Variants in RYR3 observed in about 807,000 individuals in gnomAD.
RYR3 encodes the protein brain ryanodine receptor-calcium release channel.
A neutral mutation model predicts 584.3 loss-of-function variants in RYR3; 207 were observed. The observed-to-expected ratio is 0.35, with a 90% CI of 0.32 to 0.40. RYR3 has a LOEUF of 0.40. Ranked by LOEUF, RYR3 falls within the 10% of genes least tolerant of loss-of-function variation. The pLI is 1.00. For missense variants in RYR3, 5,616 were observed against 6,089.2 expected, an observed-to-expected ratio of 0.92 and a Z score of 2.59; for synonymous variants, 2,416 against 2,248.5, an observed-to-expected ratio of 1.07 and a Z score of -2.11.
At chr15:33,392,289 T>G (rs536482084) in intron 1 of RYR3, among the ~76,000 whole-genome samples, 7 of 151,624 alleles carry the variant, frequency 4.6e-5, no homozygotes, top group Admixed American at 4.6e-4. Flanking sequence ...GGGTGAACCT[T>G]TCCAAATAAA....
chr15:33,341,436 G>C (rs1222335120), intron 1 of RYR3, among the ~76,000 whole-genome samples: 1 of 152,146 alleles, frequency 6.6e-6, no homozygotes, highest in African/African-American at 2.4e-5. Context: ...GGAATAGAAT[G>C]ATCTACATAG....
At chr15:33,385,303 C>A (rs1342823680) in intron 1 of RYR3, among the ~76,000 whole-genome samples, 1 of 151,928 alleles carries the variant, frequency 6.6e-6, no homozygotes, top group Non-Finnish European at 1.5e-5. Context: ...TTTTTTTTCC[C>A]CTTGTAGAAG....
intron 1 of RYR3, among the ~76,000 whole-genome samples, chr15:33,359,225 T>A (rs1214420242): frequency 6.6e-6 from 1 of 152,204 alleles, no homozygotes; most frequent in Non-Finnish European, 1.5e-5. Context: ...ATCAAAGCAT[T>A]TTTCTTCTCT....
At chr15:33,687,071 A>G (rs28890566) in intron 38 of RYR3, among the ~76,000 whole-genome samples, 24,466 of 152,230 alleles carry the variant, frequency 0.16, 2,397 homozygotes, top group Admixed American at 0.31. Flanking sequence ...GGCCAGGCCA[A>G]TCAGGCAAGA....
intron 1 of RYR3, among the ~76,000 whole-genome samples, chr15:33,313,526 A>G (rs953341448): frequency 9.8e-5 from 15 of 152,314 alleles, no homozygotes; most frequent in African/African-American, 3.6e-4. Flanking sequence ...AGTTGGGAAC[A>G]CCAGGCTTGT....
chr15:33,358,380 C>G (rs1326420699), intron 1 of RYR3, among the ~76,000 whole-genome samples: 2 of 152,214 alleles, frequency 1.3e-5, no homozygotes, highest in Non-Finnish European at 2.9e-5. Flanking sequence ...GACAAATTCT[C>G]TCAGCCTCTG....
rs1261707338 is a variant in RYR3, at chr15:33,664,608, T to TATAC, written c.5619+874_5619+875insCATA. Among the ~76,000 whole-genome samples, 13 of 139,856 alleles carry TATAC rather than the reference T, an allele frequency of 9.3e-5. No homozygotes were observed. In the East Asian group the frequency reaches 2.6e-3, roughly 28 times the overall value. 91.8% of individuals were successfully genotyped at this position (139,856 alleles called of 152,430 possible). On this transcript the variant is annotated intron_variant, in intron 36 of 103. Transcript: ENST00000634891. ...GTGTGTGTATATATATATATATATATATATATACGTATGTATACATCTGCG... is the reference window on the plus strand; with the variant it reads ...GTGTGTGTATATATATATATATATATATACATATATACGTATGTATACATCTGCG...
rs746322801 is a variant in RYR3, at chr15:33,860,623, A to G, written c.14328A>G (p.Leu4776=). Residue 4776 remains leucine (L), a synonymous_variant, in exon 101 of 104, where the codon CTA becomes CTG. Transcript: ENST00000634891. The part of the protein sequence containing the change: ...QGLIIDAFGE[L]RDQQEQVRED... ...TTATTATTGATGCTTTCGGAGAGCT[A>G]AGAGACCAGCAGGAACAAGTACGAG... 1.1e-5 allele frequency: 17 copies of G among 1,594,108 alleles called. No homozygotes were observed. Among genetic ancestry groups the G allele is most frequent in the Non-Finnish European group, 1.4e-5 (16 of 1,169,170 alleles).
chr15:33,808,642 A>G (rs974170728), intron 70 of RYR3, among the ~76,000 whole-genome samples: 2 of 152,202 alleles, frequency 1.3e-5, no homozygotes, highest in Non-Finnish European at 2.9e-5. Context: ...ACTATAAATG[A>G]GTTTTGCCCT....
intron 44 of RYR3, among the ~76,000 whole-genome samples, chr15:33,723,742 A>G (rs1198524034): frequency 6.6e-6 from 1 of 152,212 alleles, no homozygotes; most frequent in Non-Finnish European, 1.5e-5. Context: ...TCTTGGTCCA[A>G]TGTGTTTTCC....
rs35065336 is a variant in RYR3 at position 33,470,463 on chromosome 15, C to CA, written c.52-2944dup. On this transcript the variant is annotated intron_variant, in intron 1 of 103. Coordinates refer to ENST00000634891, the MANE Select transcript of RYR3 (RefSeq NM_001036.6). ...CCCAGAGTTGTGTTATTTTCTCTAT[C>CA]AAAAAAAAAAAATCAACAGTCCTCC... 5.4e-3 allele frequency among the ~76,000 whole-genome samples: 765 copies of CA among 142,204 alleles called. 5 individuals are homozygous for CA. The highest frequency in any genetic ancestry group is 0.036 in the South Asian group (161 of 4,446). The allele number at this position is 142,204 out of a possible 152,430, so 93.3% of individuals were successfully genotyped here. A position where few individuals can be genotyped will look rare whatever the true frequency, so the allele number is the denominator to read the frequency against.
At chr15:33,642,830 C>T (rs1384136845) in intron 27 of RYR3, among the ~76,000 whole-genome samples, 1 of 152,212 alleles carries the variant, frequency 6.6e-6, no homozygotes, top group Non-Finnish European at 1.5e-5. Context: ...AGTCTGTCCT[C>T]AGTTGGCAGT....
chr15:33,820,616 G>A, intron 77 of RYR3, 140 bp from the exon 78 acceptor site: 1 of 664,886 alleles, frequency 1.5e-6, no homozygotes, highest in East Asian at 2.8e-5. Flanking sequence ...TGGCCAAAAT[G>A]TTCCTGGCTT....
In RYR3 at chr15:33,865,237, A is replaced by AAG; in HGVS notation, c.*13_*14dup. The AAG allele has an allele frequency of 6.3e-7, 1 of 1,598,006 alleles. No individual in the cohort carries two copies. Among genetic ancestry groups the AAG allele is most frequent in the African/African-American group, 1.3e-5 (1 of 74,570 alleles). ...GATCAGCTTGGATAAATCTGAATCA[A>AAG]AGAAGCGCGACAATTCTGGACAGTC... On this transcript the variant is annotated 3_prime_UTR_variant, in exon 104 of 104. Coordinates refer to ENST00000634891, the MANE Select transcript of RYR3 (RefSeq NM_001036.6).
chr15:33,473,681 A>C, intron 2 of RYR3, 143 bp downstream of exon 2: 1 of 842,890 alleles, frequency 1.2e-6, no homozygotes, highest in Non-Finnish European at 1.8e-6. Flanking sequence ...GATCTGGTTT[A>C]AACCATAACT....
intron 1 of RYR3, among the ~76,000 whole-genome samples, chr15:33,324,436 G>T (rs1969415378): frequency 6.6e-6 from 1 of 152,154 alleles, no homozygotes; most frequent in Non-Finnish European, 1.5e-5. Flanking sequence ...ATCTTATTTT[G>T]TAGATGCTAA....
At chr15:33,864,084 G>C in intron 102 of RYR3, 54 bp from the exon 103 acceptor site, 1 of 1,358,578 alleles carries the variant, frequency 7.4e-7, no homozygotes, top group South Asian at 1.2e-5. Context: ...TAATCCATGC[G>C]AATGAACTTG....
chr15:33,376,602 A>G (rs533887396), intron 1 of RYR3, among the ~76,000 whole-genome samples: 2 of 152,352 alleles, frequency 1.3e-5, no homozygotes, highest in South Asian at 4.1e-4. Context: ...ATGAAGAGAC[A>G]CAGTTGCGAC....
intron 65 of RYR3, among the ~76,000 whole-genome samples, chr15:33,781,248 T>C (rs1271026634): frequency 1.3e-5 from 2 of 152,232 alleles, no homozygotes; most frequent in Non-Finnish European, 2.9e-5. Context: ...GAATCAAGCT[T>C]GGACTCCAAC....
Sources: allele counts gnomAD v4.1 joint callset (sites outside exome capture counted in the v4.1 genomes callset), GRCh38; gene constraint gnomAD v4.1.1; transcripts MANE v1.5; gene names NCBI Gene and HGNC (gene_info 2026-07-23, HGNC 2026-07-21).